The following IFFO2 variants were observed in gnomAD, a reference collection of about 807,000 sequenced individuals.
IFFO2 encodes the protein intermediate filament family orphan 2.
A neutral mutation model predicts 53.5 loss-of-function variants in IFFO2; 19 were observed. That is an observed-to-expected ratio of 0.36 (90% CI 0.25 to 0.52). The LOEUF is 0.52. Ranked by LOEUF, IFFO2 falls within the 20% of genes least tolerant of loss-of-function variation. The pLI is 0.94. For missense variants in IFFO2, 570 were observed against 727.4 expected (o/e 0.78, Z 2.49); for synonymous variants, 303 against 313.6 (o/e 0.97, Z 0.36).
rs1343820060 is a variant in IFFO2 at position 18,918,426 on chromosome 1, A to G, written c.899T>C (p.Ile300Thr). The G allele has an allele frequency of 1.9e-6, 3 of 1,560,348 alleles. No individual in the cohort carries two copies. Among genetic ancestry groups the G allele is most frequent in the Non-Finnish European group, 2.6e-6 (3 of 1,151,648 alleles). The stretch of plus-strand genomic sequence containing the variant: ...TGCGACATCGCACAGCTTGGCCGTG[A>G]TATCGATTCGGCGGCAGATGTCCAT... ...VDMDICRRID[I>T]TAKLCDVAQQ... Residue 300 changes from isoleucine (I) to threonine (T), a missense_variant, in exon 4 of 9, where the codon ATC becomes ACC. Transcript: ENST00000455833. The surrounding 1 kb of genome is among the most constrained non-coding windows in gnomAD (Gnocchi z 5.2).
intron 1 of IFFO2, among the ~76,000 whole-genome samples, chr1:18,945,644 A>G (rs886348419): frequency 5.3e-5 from 8 of 152,278 alleles, no homozygotes; most frequent in African/African-American, 1.9e-4. Context: ...CGCAGGCCAG[A>G]GGGCGCTGAG....
rs569843606 is a variant in IFFO2, at chr1:18,917,007, G to A, written c.999C>T (p.Ser333=). Residue 333 remains serine (S), a synonymous_variant, in exon 5 of 9, where the codon TCC becomes TCT. Transcript: ENST00000455833. This position sits in a 1 kb window ranked among gnomAD's most constrained non-coding sequence, Gnocchi z 5.9. ...VPKKKERKVA[S]DDDISEQDGE... ...CGTCCTGCTCAGAGATGTCATCATCGGAAGCCACCTTACGCTCTTTCTTTT... is the reference window on the plus strand; with the variant it reads ...CGTCCTGCTCAGAGATGTCATCATCAGAAGCCACCTTACGCTCTTTCTTTT... The A allele has an allele frequency of 7.0e-5, 108 of 1,552,136 alleles. 1 individual carries two copies. The South Asian group carries it at 9.3e-4, about 13-fold the overall frequency.
chr1:18,911,335 TG>T, intron 7 of IFFO2, 48 bp downstream of exon 7: 1 of 940,626 alleles, frequency 1.1e-6, no homozygotes, highest in Non-Finnish European at 1.5e-6. Context: ...CTCAACCATG[TG>T]GACCTCAGGA....
chr1:18,944,506 A>G (rs1360290048), intron 1 of IFFO2, among the ~76,000 whole-genome samples: 1 of 152,130 alleles, frequency 6.6e-6, no homozygotes, highest in Non-Finnish European at 1.5e-5. Flanking sequence ...TCCAGTGGCC[A>G]GCATTGAGCT....
At position 18,947,377 on chromosome 1, in the gene IFFO2, T is replaced by C. The variant is rs1936603915; in HGVS notation, c.665+8291A>G. Among the ~76,000 whole-genome samples, 1 of 152,172 alleles carries C rather than the reference T, an allele frequency of 6.6e-6. No individual in the cohort carries two copies. The highest frequency in any genetic ancestry group is 2.4e-5 in the African/African-American group (1 of 41,444). Reference sequence around the variant, plus strand: ...CCGGGCAAGATAAATGGAGCATTAATTGAGAGCCTGAGATCCACAGCCTGC... The same window carrying C: ...CCGGGCAAGATAAATGGAGCATTAACTGAGAGCCTGAGATCCACAGCCTGC... On this transcript the variant is annotated intron_variant, in intron 1 of 8. Coordinates refer to ENST00000455833, the MANE Select transcript of IFFO2 (RefSeq NM_001136265.2). The surrounding 1 kb of genome is among the most constrained non-coding windows in gnomAD (Gnocchi z 5.0).
chr1:18,931,342 T>G (rs1472675698), intron 1 of IFFO2, among the ~76,000 whole-genome samples: 1 of 152,152 alleles, frequency 6.6e-6, no homozygotes, highest in African/African-American at 2.4e-5. Flanking sequence ...GGAAATTGTC[T>G]CAACCAGCAT....
rs28593095 is a variant in IFFO2, at chr1:18,920,411, C to G, written c.727-638G>C. 5.9e-3 allele frequency among the ~76,000 whole-genome samples: 904 copies of G among 152,348 alleles called. 14 individuals carry two copies. The highest frequency in any genetic ancestry group is 0.021 in the African/African-American group (854 of 41,570). On this transcript the variant is annotated intron_variant, in intron 2 of 8. Coordinates refer to ENST00000455833, the MANE Select transcript of IFFO2 (RefSeq NM_001136265.2). Reference sequence around the variant, plus strand: ...ACGACAAATGCTTTCAGTATCAGAACGCAATTTCTAGACATTTTTGGAAGA... The same window carrying G: ...ACGACAAATGCTTTCAGTATCAGAAGGCAATTTCTAGACATTTTTGGAAGA...
chr1:18,913,662 G>A (rs937919655), intron 5 of IFFO2, among the ~76,000 whole-genome samples: 1 of 152,156 alleles, frequency 6.6e-6, no homozygotes, highest in African/African-American at 2.4e-5. Context: ...ATCTGGCCAG[G>A]GGCAGCCTGG....
At chr1:18,922,202 A>T (rs1936225499) in intron 1 of IFFO2, among the ~76,000 whole-genome samples, 1 of 152,134 alleles carries the variant, frequency 6.6e-6, no homozygotes, top group Non-Finnish European at 1.5e-5. Context: ...TAGACCCAGG[A>T]ACTGTCAAAG....
At chr1:18,939,210 C>T (rs1936489887) in intron 1 of IFFO2, among the ~76,000 whole-genome samples, 1 of 152,236 alleles carries the variant, frequency 6.6e-6, no homozygotes, top group Non-Finnish European at 1.5e-5. Context: ...ATCTGCCAAC[C>T]CAGGGAACCA....
chr1:18,949,038 C>T (rs1396423014), intron 1 of IFFO2, among the ~76,000 whole-genome samples: 1 of 152,230 alleles, frequency 6.6e-6, no homozygotes, highest in Non-Finnish European at 1.5e-5. Context: ...GCACCCTGCA[C>T]TGCCAGGCTT....
chr1:18,950,193 C>G (rs1936642265), intron 1 of IFFO2, among the ~76,000 whole-genome samples: 1 of 152,164 alleles, frequency 6.6e-6, no homozygotes, highest in Non-Finnish European at 1.5e-5. Flanking sequence ...TCTTAGATGC[C>G]GGACAAAGAA....
chr1:18,915,188 G>T (rs1347912022), intron 5 of IFFO2, among the ~76,000 whole-genome samples: 1 of 152,112 alleles, frequency 6.6e-6, no homozygotes, highest in Non-Finnish European at 1.5e-5. Flanking sequence ...TCTCTCATTT[G>T]TACAATGAAG....
At position 18,905,306 on chromosome 1, in the gene IFFO2, G is replaced by A. The variant is rs28478026; in HGVS notation, c.*3255C>T. 0.021 allele frequency: 3,251 copies of A among 152,278 alleles called. 41 individuals carry two copies. Among genetic ancestry groups the A allele is most frequent in the Middle Eastern group, 0.051 (15 of 294 alleles). The allele number at this position is 152,278 out of a possible 1,614,324, so 9.4% of individuals were successfully genotyped here. On this transcript the variant is annotated 3_prime_UTR_variant, in exon 9 of 9. Transcript: ENST00000455833. ...AAAAGTGAGGACAGAAGACGAGGCCGGGGGACAGGAATGGGTTCCATTCAA... is the reference window on the plus strand; with the variant it reads ...AAAAGTGAGGACAGAAGACGAGGCCAGGGGACAGGAATGGGTTCCATTCAA...
chr1:18,951,358 C>A (rs1413071338), intron 1 of IFFO2, among the ~76,000 whole-genome samples: 1 of 152,142 alleles, frequency 6.6e-6, no homozygotes, highest in East Asian at 1.9e-4. Context: ...GCTCCCAAAC[C>A]ACCCTCCAAT....
At chr1:18,935,139 C>T (rs1314844837) in intron 1 of IFFO2, among the ~76,000 whole-genome samples, 1 of 152,194 alleles carries the variant, frequency 6.6e-6, no homozygotes, top group African/African-American at 2.4e-5. Flanking sequence ...CCTGCAGCAA[C>T]AATGTTTTGT....
chr1:18,922,029 C>T (rs1371612251), intron 1 of IFFO2, among the ~76,000 whole-genome samples: 1 of 152,108 alleles, frequency 6.6e-6, no homozygotes, highest in Non-Finnish European at 1.5e-5. Context: ...ATCCTCGTAA[C>T]AACCTATGAC....
At chr1:18,951,904 C>A (rs1936664232) in intron 1 of IFFO2, among the ~76,000 whole-genome samples, 1 of 152,178 alleles carries the variant, frequency 6.6e-6, no homozygotes, top group Non-Finnish European at 1.5e-5. Flanking sequence ...TCAGCCACAA[C>A]ACGGGCCTCT....
intron 1 of IFFO2, among the ~76,000 whole-genome samples, chr1:18,939,192 C>T (rs570944133): frequency 5.9e-5 from 9 of 152,334 alleles, no homozygotes; most frequent in South Asian, 2.1e-4. Context: ...AGCCCAGGAC[C>T]GCCAGGAATC....
Sources: gnomAD v4.1 joint callset for allele counts (sites outside exome capture counted in the v4.1 genomes callset) on GRCh38, gnomAD v4.1.1 for gene constraint, Gnocchi (gnomAD v3.1) non-coding constraint, MANE v1.5 for transcripts, NCBI Gene and HGNC (gene_info 2026-07-23, HGNC 2026-07-21) for gene names.